Variants in FOXA3 observed in about 807,000 individuals in gnomAD.
FOXA3 encodes forkhead box A3.
Under a neutral mutation model 16.9 loss-of-function variants are expected in FOXA3, and 11 were observed. The observed-to-expected ratio is 0.65, with a 90% confidence interval of 0.41 to 1.08. The LOEUF is 1.08. Among genes scored for constraint, FOXA3 ranks in the 50% least tolerant of loss-of-function variants. The pLI, the probability that FOXA3 is intolerant of heterozygous loss-of-function variation, is 0.00. For missense variants in FOXA3, 423 were observed against 470.1 expected (o/e 0.90, Z 0.93); for synonymous variants, 217 against 203.3 (o/e 1.07, Z -0.57).
chr19:45,868,096 C>A (rs555902149), intron 1 of FOXA3, among the ~76,000 whole-genome samples: 1 of 151,758 alleles, frequency 6.6e-6, no homozygotes, highest in African/African-American at 2.4e-5. Context: ...GGTAACACAA[C>A]GGCAAAAATA....
chr19:45,872,509 G>T lies in FOXA3; in HGVS notation c.504G>T (p.Ser168=), dbSNP rs1568634782. ...GCTGGCAGAACTCCATTCGCCACTC[G>T]CTGTCTTTCAACGACTGCTTCGTCA... ...QQRWQNSIRH[S]LSFNDCFVKV... is the part of the protein sequence containing the mutation. The change falls in exon 2 of 2, where the codon TCG becomes TCT. Residue 168 remains serine, a synonymous_variant. Transcript: ENST00000302177. This position sits in a 1 kb window ranked among gnomAD's most constrained non-coding sequence, Gnocchi z 4.5. The T allele has an allele frequency of 1.9e-6, 3 of 1,614,124 alleles. No homozygotes were observed. The highest frequency in any genetic ancestry group is 2.5e-6 in the Non-Finnish European group (3 of 1,180,028).
rs1966928207 is a variant in FOXA3, at chr19:45,873,202, G to A, written c.*144G>A. 1 of 1,313,580 alleles carries A rather than the reference G, an allele frequency of 7.6e-7. No individual in the cohort carries two copies. The highest frequency in any genetic ancestry group is 1.5e-5 in the African/African-American group (1 of 68,176). 81.4% of individuals were successfully genotyped at this position (1,313,580 alleles called of 1,614,324 possible). On this transcript the variant is annotated 3_prime_UTR_variant, in exon 2 of 2. Transcript: ENST00000302177. ...ACTTACTGTGATGACTGCTGTCTCA[G>A]TGGGCATGGTGTTGATCCACGGGGT...
Position 45,872,669 on chromosome 19 carries a change from G to T in FOXA3, c.664G>T (p.Gly222Trp). 1 of 1,611,884 alleles carries T rather than the reference G, an allele frequency of 6.2e-7. No homozygotes were observed. Among genetic ancestry groups the T allele is most frequent in the African/African-American group, 1.3e-5 (1 of 74,990 alleles). ...CAAGCTGGAGGAGAAGGTGAAAAAA[G>T]GGGGCAGCGGGGCTGCCACCACCAC... ...RFKLEEKVKK[G>W]GSGAATTTRN... is the part of the protein sequence containing the mutation. Residue 222 changes from glycine (G) to tryptophan (W), a missense_variant, in exon 2 of 2, where the codon GGG becomes TGG. Around this residue, in one of 3 missense-constraint regions of FOXA3, gnomAD observed 168 missense variants for 179.3 expected, o/e 0.94. Transcript: ENST00000302177. The surrounding 1 kb of genome is among the most constrained non-coding windows in gnomAD (Gnocchi z 4.5).
chr19:45,868,956 T>C (rs1260049581), intron 1 of FOXA3, among the ~76,000 whole-genome samples: 1 of 151,984 alleles, frequency 6.6e-6, no homozygotes, highest in Non-Finnish European at 1.5e-5. Flanking sequence ...TGAGATGGAG[T>C]CTTGCTCTGT....
chr19:45,864,641 G>A lies in FOXA3; in HGVS notation c.69+116G>A, dbSNP rs1049061309. ...GGAGGCAAAGGCGTCTACTTGGGCA[G>A]CTGAGGAACTGGGAACACGGAGACC... On this transcript the variant is annotated intron_variant, in intron 1 of 1. Coordinates refer to ENST00000302177, the MANE Select transcript of FOXA3 (RefSeq NM_004497.3). The A allele has an allele frequency of 4.4e-5, 37 of 841,972 alleles. No individual in the cohort carries two copies. The African/African-American group carries it at 5.6e-4, about 13-fold the overall frequency. The allele number at this position is 841,972 out of a possible 1,614,324, so 52.2% of individuals were successfully genotyped here.
At position 45,872,164 on chromosome 19, in the gene FOXA3, G is replaced by A. The variant is rs765525525; in HGVS notation, c.159G>A (p.Gly53=). The change falls in exon 2 of 2, where the codon GGG becomes GGA. Residue 53 remains glycine (G), a synonymous_variant. Transcript: ENST00000302177. This position sits in a 1 kb window ranked among gnomAD's most constrained non-coding sequence, Gnocchi z 4.5. ...LNPLSSPYPP[G]GLPASPLPSG... ...CTCTAAGCTCTCCCTATCCCCCTGG[G>A]GGGCTCCCTGCCTCCCCACTGCCCT... 1 of 1,589,104 alleles carries A rather than the reference G, an allele frequency of 6.3e-7. No individual in the cohort carries two copies. The highest frequency in any genetic ancestry group is 1.8e-5 in the Admixed American group (1 of 56,830).
At chr19:45,869,562 C>A (rs1402059687) in intron 1 of FOXA3, among the ~76,000 whole-genome samples, 1 of 152,126 alleles carries the variant, frequency 6.6e-6, no homozygotes, top group South Asian at 2.1e-4. Context: ...CCTTTTCCCC[C>A]CATTTGAACA....
chr19:45,864,416 C>G lies in FOXA3; in HGVS notation c.-41C>G. ...AGAGATCCAGAGCGCTCCGTTCCCC[C>G]GGGGCCGGAGCGGGGGCGGGTGGGG... On this transcript the variant is annotated 5_prime_UTR_variant, in exon 1 of 2. Coordinates refer to ENST00000302177, the MANE Select transcript of FOXA3 (RefSeq NM_004497.3). The G allele has an allele frequency of 6.6e-6, 9 of 1,362,762 alleles. No homozygotes were observed. Among genetic ancestry groups the G allele is most frequent in the Non-Finnish European group, 8.6e-6 (9 of 1,040,832 alleles). The allele number at this position is 1,362,762 out of a possible 1,614,324, so 84.4% of individuals were successfully genotyped here. A position where few individuals can be genotyped will look rare whatever the true frequency, so the allele number is the denominator to read the frequency against.
Position 45,864,437 on chromosome 19 carries a change from TG to T in FOXA3, c.-15del. ...CCCCCGGGGCCGGAGCGGGGGCGGG[TG>T]GGGGCGTAAGCCCGGGGGATGCTGG... is the stretch of plus-strand genomic sequence containing the variant. On this transcript the variant is annotated 5_prime_UTR_variant, in exon 1 of 2. Transcript: ENST00000302177. 2 of 1,406,102 alleles carry T rather than the reference TG, an allele frequency of 1.4e-6. No homozygotes were observed. The highest frequency in any genetic ancestry group is 9.4e-7 in the Non-Finnish European group (1 of 1,065,378). The allele number at this position is 1,406,102 out of a possible 1,614,324, so 87.1% of individuals were successfully genotyped here. A position where few individuals can be genotyped will look rare whatever the true frequency, so the allele number is the denominator to read the frequency against.
Position 45,864,635 on chromosome 19 carries a change from TG to T in FOXA3, c.69+113del, listed in dbSNP as rs1972062502. 3 of 884,716 alleles carry T rather than the reference TG, an allele frequency of 3.4e-6. No homozygotes were observed. In the South Asian group the frequency reaches 1.1e-4, roughly 31 times the overall value. The allele number at this position is 884,716 out of a possible 1,614,324, so 54.8% of individuals were successfully genotyped here. On this transcript the variant is annotated intron_variant, in intron 1 of 1. Coordinates refer to ENST00000302177, the MANE Select transcript of FOXA3 (RefSeq NM_004497.3). ...TCAAATGGAGGCAAAGGCGTCTACT[TG>T]GGCAGCTGAGGAACTGGGAACACGG...
In FOXA3 at chr19:45,873,507, C is replaced by T. The variant is rs1464431711; in HGVS notation, c.*449C>T. ...TTGGCCCATTGGGTGCTTTGATGGA[C>T]ATCATACTGGGTAGGTGACAACGTC... On this transcript the variant is annotated 3_prime_UTR_variant, in exon 2 of 2. Coordinates refer to ENST00000302177, the MANE Select transcript of FOXA3 (RefSeq NM_004497.3). The T allele has an allele frequency of 4.7e-6, 1 of 214,616 alleles. No individual in the cohort carries two copies. The highest frequency in any genetic ancestry group is 1.1e-4 in the East Asian group (1 of 8,888). 13.3% of individuals were successfully genotyped at this position (214,616 alleles called of 1,614,324 possible). A position where few individuals can be genotyped will look rare whatever the true frequency, so the allele number is the denominator to read the frequency against.
At position 45,872,334 on chromosome 19, in the gene FOXA3, G is replaced by A. The variant is rs764260162; in HGVS notation, c.329G>A (p.Arg110Gln). The part of the protein sequence containing the change: ...VHGKEMPKGY[R>Q]RPLAHAKPPY... The stretch of plus-strand genomic sequence containing the variant: ...GGGAAGGAGATGCCGAAGGGGTATC[G>A]GCGGCCCCTGGCACACGCCAAGCCA... Residue 110 changes from arginine to glutamine, a missense_variant, in exon 2 of 2, where the codon CGG becomes CAG. By Grantham distance (43) the Arg-to-Gln change is conservative. Coordinates refer to ENST00000302177, the MANE Select transcript of FOXA3 (RefSeq NM_004497.3). The surrounding 1 kb of genome is among the most constrained non-coding windows in gnomAD (Gnocchi z 4.5). The A allele has an allele frequency of 6.2e-6, 10 of 1,613,718 alleles. No homozygotes were observed. Among genetic ancestry groups the A allele is most frequent in the East Asian group, 2.2e-5 (1 of 44,896 alleles).
At chr19:45,864,590 A>T (rs1278877050) in intron 1 of FOXA3, 65 bp downstream of exon 1, 2 of 1,325,616 alleles carry the variant, frequency 1.5e-6, no homozygotes, top group African/African-American at 3.0e-5. Flanking sequence ...GCTCACATGG[A>T]GCAGGGACTG....
chr19:45,873,270 T>A lies in FOXA3; in HGVS notation c.*212T>A. The A allele has an allele frequency of 1.4e-6, 1 of 689,740 alleles. No homozygotes were observed. Among genetic ancestry groups the A allele is most frequent in the Non-Finnish European group, 2.4e-6 (1 of 417,676 alleles). The allele number at this position is 689,740 out of a possible 1,614,324, so 42.7% of individuals were successfully genotyped here. On this transcript the variant is annotated 3_prime_UTR_variant, in exon 2 of 2. Transcript: ENST00000302177. ...GGATACATTTTGGTGGCCCACTGGG[T>A]ACTGTGAGGACTGCTACATTGATGG...
chr19:45,869,249 C>T (rs921905613), intron 1 of FOXA3, among the ~76,000 whole-genome samples: 1 of 151,764 alleles, frequency 6.6e-6, no homozygotes, highest in Non-Finnish European at 1.5e-5. Context: ...CTAGTCACTG[C>T]GTTTATAGCG....
chr19:45,869,562 C>G (rs1402059687), intron 1 of FOXA3, among the ~76,000 whole-genome samples: 1 of 152,126 alleles, frequency 6.6e-6, no homozygotes, highest in African/African-American at 2.4e-5. Flanking sequence ...CCTTTTCCCC[C>G]CATTTGAACA....
At chr19:45,868,926 A>G (rs1444078627) in intron 1 of FOXA3, among the ~76,000 whole-genome samples, 1 of 151,962 alleles carries the variant, frequency 6.6e-6, no homozygotes, top group Non-Finnish European at 1.5e-5. Flanking sequence ...CTTTTATTTT[A>G]TTTTATGATT....
At chr19:45,865,090 G>C (rs926526609) in intron 1 of FOXA3, among the ~76,000 whole-genome samples, 3 of 152,042 alleles carry the variant, frequency 2.0e-5, no homozygotes, top group Non-Finnish European at 4.4e-5. Context: ...AGATGGGGGT[G>C]CTCAGAGATG....
In FOXA3 at chr19:45,872,662, GA is replaced by G. The variant is rs1444439181; in HGVS notation, c.663del (p.Gly223AlafsTer70). The G allele has an allele frequency of 5.6e-6, 9 of 1,612,782 alleles. No individual in the cohort carries two copies. The highest frequency in any genetic ancestry group is 7.6e-6 in the Non-Finnish European group (9 of 1,179,438). ...AACGCTTCAAGCTGGAGGAGAAGGT[GA>G]AAAAAGGGGGCAGCGGGGCTGCCAC... ...QKRFKLEEKV[K>X]KGGSGAATTT... is the part of the protein sequence containing the mutation. On this transcript the variant is annotated frameshift_variant, in exon 2 of 2. Coordinates refer to ENST00000302177, the MANE Select transcript of FOXA3 (RefSeq NM_004497.3). LOFTEE classifies it low-confidence loss of function (END_TRUNC). This position sits in a 1 kb window ranked among gnomAD's most constrained non-coding sequence, Gnocchi z 4.5.
Sources: gnomAD v4.1 joint callset for allele counts (sites outside exome capture counted in the v4.1 genomes callset) on GRCh38, gnomAD v4.1.1 for gene constraint, gnomAD v4.1.1 regional missense constraint, Gnocchi (gnomAD v3.1) non-coding constraint, MANE v1.5 for transcripts, NCBI Gene and HGNC (gene_info 2026-07-23, HGNC 2026-07-21) for gene names.